The following IDH1 variants were observed in gnomAD, a reference collection of about 807,000 sequenced individuals.
IDH1 encodes isocitrate dehydrogenase (NADP(+)) 1.
IDH1 carries 33 observed loss-of-function variants against 46.1 expected under a neutral mutation model. The observed-to-expected ratio is 0.72, with a 90% confidence interval of 0.54 to 0.96. IDH1 has a LOEUF of 0.96. IDH1 is among the 40% of genes least tolerant of loss of function. The pLI is 0.00. For synonymous variants in IDH1, 144 were observed against 172.8 expected (o/e 0.83, Z 1.31); for missense variants, 421 against 515.7 (o/e 0.82, Z 1.78).
At position 208,236,519 on chromosome 2, in the gene IDH1, A is replaced by G; in HGVS notation, c.*560T>C. 1 of 235,714 alleles carries G rather than the reference A, an allele frequency of 4.2e-6. No individual in the cohort carries two copies. The highest frequency in any genetic ancestry group is 8.4e-6 in the Non-Finnish European group (1 of 119,590). The allele number at this position is 235,714 out of a possible 1,614,324, so 14.6% of individuals were successfully genotyped here. On this transcript the variant is annotated 3_prime_UTR_variant, in exon 10 of 10. Coordinates refer to ENST00000345146, the MANE Select transcript of IDH1 (RefSeq NM_005896.4). The stretch of plus-strand genomic sequence containing the variant: ...CTGCGGCCTAAACAGTATTTAGTCT[A>G]TTGGAAACATTCAGCAAGGTCTTTA...
intron 4 of IDH1, among the ~76,000 whole-genome samples, chr2:208,245,696 C>T (rs1688006042): frequency 6.6e-6 from 1 of 150,634 alleles, no homozygotes; most frequent in African/African-American, 2.4e-5. Flanking sequence ...AGCCACTTTC[C>T]TTTAGGAAGT....
At chr2:208,240,781 A>C (rs965915546) in intron 7 of IDH1, among the ~76,000 whole-genome samples, 1 of 152,178 alleles carries the variant, frequency 6.6e-6, no homozygotes, top group Non-Finnish European at 1.5e-5. Context: ...TCAACCACGG[A>C]GTCATCACAA....
At position 208,251,587 on chromosome 2, in the gene IDH1, A is replaced by G. The variant is rs746483551; in HGVS notation, c.-16-20T>C. 3.2e-6 allele frequency: 5 copies of G among 1,580,944 alleles called. No individual in the cohort carries two copies. Among genetic ancestry groups the G allele is most frequent in the Non-Finnish European group, 2.6e-6 (3 of 1,153,330 alleles). ...ATAAACCTAAAAAGAAAAAAAAAATACATGCCTTGTCATTTATTTCATTAT... is the reference window on the plus strand; with the variant it reads ...ATAAACCTAAAAAGAAAAAAAAAATGCATGCCTTGTCATTTATTTCATTAT... On this transcript the variant is annotated intron_variant, in intron 2 of 9. Transcript: ENST00000345146.
Position 208,244,102 on chromosome 2 carries a change from C to T in IDH1, c.521-498G>A, listed in dbSNP as rs528555093. On this transcript the variant is annotated intron_variant, in intron 5 of 9. Transcript: ENST00000345146. ...CCCCTTTGGTGATTACGTGAGTTCT[C>T]GCTCAGTTAATTCACTTGAAATCTG... Among the ~76,000 whole-genome samples the T allele has an allele frequency of 1.1e-4, 16 of 152,270 alleles. 1 individual carries two copies. The highest frequency in any genetic ancestry group is 2.6e-4 in the African/African-American group (11 of 41,550).
intron 9 of IDH1, 119 bp from the exon 10 acceptor site, chr2:208,237,288 A>C: frequency 1.4e-6 from 1 of 698,308 alleles, no homozygotes; most frequent in East Asian, 2.7e-5. Context: ...AAGAAAACGC[A>C]TTCATGTTAG....
chr2:208,250,351 T>C (rs1235569946), intron 3 of IDH1, among the ~76,000 whole-genome samples: 1 of 133,648 alleles, frequency 7.5e-6, no homozygotes, highest in South Asian at 2.5e-4. Flanking sequence ...ATTTCTTATG[T>C]TTGGTTGACT....
intron 4 of IDH1, 181 bp downstream of exon 4, chr2:208,248,188 G>A (rs552624989): frequency 8.1e-6 from 5 of 615,776 alleles, no homozygotes; most frequent in Non-Finnish European, 1.4e-5. Context: ...AAGTTTATTT[G>A]TATTTGCCTT....
chr2:208,236,799 GA>G lies in IDH1; in HGVS notation c.*279del. 4.9e-6 allele frequency: 2 copies of G among 409,178 alleles called. No homozygotes were observed. Among genetic ancestry groups the G allele is most frequent in the Non-Finnish European group, 4.4e-6 (1 of 227,328 alleles). The allele number at this position is 409,178 out of a possible 1,614,324, so 25.3% of individuals were successfully genotyped here. On this transcript the variant is annotated 3_prime_UTR_variant, in exon 10 of 10. Coordinates refer to ENST00000345146, the MANE Select transcript of IDH1 (RefSeq NM_005896.4). ...TTGGTCATTTATAATTAGAACATGA[GA>G]AAAAGTGACAGTGAATACAAATGAG...
intron 7 of IDH1, 26 bp downstream of exon 7, chr2:208,241,968 C>A (rs765662006): frequency 1.2e-6 from 2 of 1,610,736 alleles, no homozygotes; most frequent in Non-Finnish European, 1.7e-6. Flanking sequence ...GACCCTGTTC[C>A]TACAGGCCAG....
rs1473685823 is a variant in IDH1, at chr2:208,248,358, A to G, written c.414+11T>C. On this transcript the variant is annotated intron_variant, in intron 4 of 9. Coordinates refer to ENST00000345146, the MANE Select transcript of IDH1 (RefSeq NM_005896.4). ...AACATGCAAAATCACATTATTGCCA[A>G]CATGACTTACTTGATCCCCATAAGC... 1.2e-6 allele frequency: 2 copies of G among 1,612,916 alleles called. No homozygotes were observed. The highest frequency in any genetic ancestry group is 1.7e-6 in the Non-Finnish European group (2 of 1,179,040).
Position 208,255,034 on chromosome 2 carries a change from C to G in IDH1, c.-186G>C, listed in dbSNP as rs1216415575. The G allele has an allele frequency of 6.6e-6, 1 of 152,372 alleles. No individual in the cohort carries two copies. Among genetic ancestry groups the G allele is most frequent in the Non-Finnish European group, 1.5e-5 (1 of 68,220 alleles). 9.4% of individuals were successfully genotyped at this position (152,372 alleles called of 1,614,324 possible). ...GCCTGGCAATCCCAAACCGGACTCC[C>G]AGTGCCTCCGCTTCTGAAGTAGACT... is the stretch of plus-strand genomic sequence containing the variant. On this transcript the variant is annotated 5_prime_UTR_variant, in exon 1 of 10. Transcript: ENST00000345146.
intron 2 of IDH1, among the ~76,000 whole-genome samples, chr2:208,253,049 C>CT (rs1169048327): frequency 6.6e-6 from 1 of 152,208 alleles, no homozygotes; most frequent in African/African-American, 2.4e-5. Context: ...AGGCAGTGAA[C>CT]TTATCTGGTT....
chr2:208,239,795 A>G, intron 8 of IDH1, 68 bp downstream of exon 8: 1 of 1,506,014 alleles, frequency 6.6e-7, no homozygotes, highest in Non-Finnish European at 9.2e-7. Flanking sequence ...CTGAGCAGCC[A>G]AGGGAACACA....
At chr2:208,240,133 C>T (rs1687892050) in intron 7 of IDH1, 130 bp from the exon 8 acceptor site, 1 of 936,376 alleles carries the variant, frequency 1.1e-6, no homozygotes. Context: ...CACATGGAAT[C>T]ACCAATAATT....
intron 5 of IDH1, among the ~76,000 whole-genome samples, chr2:208,244,007 T>C (rs533316146): frequency 6.6e-6 from 1 of 152,332 alleles, no homozygotes; most frequent in South Asian, 2.1e-4. Context: ...ATTCCCAGTG[T>C]TGGAGGTGGG....
rs536671284 is a variant in IDH1 at position 208,238,114 on chromosome 2, C to A, written c.1155-945G>T. Among the ~76,000 whole-genome samples, 5 of 150,308 alleles carry A rather than the reference C, an allele frequency of 3.3e-5. No individual in the cohort carries two copies. The East Asian group carries it at 1.0e-3, about 31-fold the overall frequency. On this transcript the variant is annotated intron_variant, in intron 9 of 9. Coordinates refer to ENST00000345146, the MANE Select transcript of IDH1 (RefSeq NM_005896.4). ...GCAGTGGCACCATCTCGGCTCACTG[C>A]AAGCTCCGCCTCCCAGGTTCACGCC...
In IDH1 at chr2:208,239,160, A is replaced by C; in HGVS notation, c.1065T>G (p.Phe355Leu). ...KLDNNKELAFFANALEEVSIE... is the reference protein window; with the variant it reads ...KLDNNKELAFLANALEEVSIE... ...TAGAGACTTCTTCCAAAGCATTTGC[A>C]AAGAAGGCAAGCTCTTTATTGTTAT... Residue 355 changes from phenylalanine (F) to leucine (L), a missense_variant, in exon 9 of 10, where the codon TTT (phenylalanine) becomes TTG (leucine). Phe to Leu is a conservative substitution (Grantham distance 22). Coordinates refer to ENST00000345146, the MANE Select transcript of IDH1 (RefSeq NM_005896.4). The C allele has an allele frequency of 6.2e-7, 1 of 1,614,090 alleles. No homozygotes were observed. Among genetic ancestry groups the C allele is most frequent in the Non-Finnish European group, 8.5e-7 (1 of 1,179,958 alleles).
intron 5 of IDH1, 109 bp downstream of exon 5, chr2:208,245,210 T>C: frequency 5.7e-6 from 4 of 706,480 alleles, no homozygotes; most frequent in Non-Finnish European, 7.4e-6. Context: ...ACACTGTAGA[T>C]TCAGATTATA....
rs763478345 is a variant in IDH1, at chr2:208,239,222, C to A, written c.1003G>T (p.Ala335Ser). The A allele has an allele frequency of 6.2e-7, 1 of 1,613,692 alleles. No individual in the cohort carries two copies. The highest frequency in any genetic ancestry group is 2.2e-5 in the East Asian group (1 of 44,860). The change falls in exon 9 of 10, where the codon GCC becomes TCC. Residue 335 changes from alanine to serine, a missense_variant. Transcript: ENST00000345146. ...CTGTGGGCTAACCCTCTGGTCCAGG[C>A]AAAAATGGAAGCTAAAAGAGGGGAA... The part of the protein sequence containing the change: ...TSTNPIASIF[A>S]WTRGLAHRAK...
Sources: allele counts gnomAD v4.1 joint callset (sites outside exome capture counted in the v4.1 genomes callset), GRCh38; gene constraint gnomAD v4.1.1; transcripts MANE v1.5; gene names NCBI Gene and HGNC (gene_info 2026-07-23, HGNC 2026-07-21).